The following NAALADL2 variants were observed in gnomAD, a reference collection of about 807,000 sequenced individuals.
NAALADL2 encodes inactive N-acetylated-alpha-linked acidic dipeptidase-like protein 2.
NAALADL2 carries 76 observed loss-of-function variants against 87.2 expected under a neutral mutation model. That is an observed-to-expected ratio of 0.87 (90% CI 0.72 to 1.05). The LOEUF (loss-of-function observed/expected upper bound fraction) is 1.05, where lower values mean the gene tolerates loss of function less well. Ranked by LOEUF, NAALADL2 falls within the 50% of genes least tolerant of loss-of-function variation. NAALADL2 has a pLI of 0.00. For synonymous variants in NAALADL2, 354 were observed against 331.0 expected, an observed-to-expected ratio of 1.07 and a Z score of -0.75; for missense variants, 1,089 against 945.8, an observed-to-expected ratio of 1.15 and a Z score of -1.99.
chr3:174,644,131 A>G (rs189232263), intron 2 of NAALADL2, among the ~76,000 whole-genome samples: 1 of 152,220 alleles, frequency 6.6e-6, no homozygotes, highest in Non-Finnish European at 1.5e-5. Flanking sequence ...TTATTCACTA[A>G]AAATCATTGA....
chr3:175,655,843 A>G (rs1330124307), intron 11 of NAALADL2, among the ~76,000 whole-genome samples: 1 of 152,182 alleles, frequency 6.6e-6, no homozygotes, highest in Non-Finnish European at 1.5e-5. Flanking sequence ...TACAGATGTT[A>G]GAATTTACAC....
At chr3:175,065,461 A>G (rs1185658650) in intron 1 of NAALADL2, among the ~76,000 whole-genome samples, 2 of 152,214 alleles carry the variant, frequency 1.3e-5, no homozygotes, top group Admixed American at 1.3e-4. Flanking sequence ...TTAGATAGCT[A>G]TGACCAGATT....
At chr3:175,444,044 G>T (rs1720272468) in intron 5 of NAALADL2, among the ~76,000 whole-genome samples, 1 of 152,126 alleles carries the variant, frequency 6.6e-6, no homozygotes, top group Admixed American at 6.6e-5. Context: ...GAGTATGTAA[G>T]GGTATAGCTT....
At chr3:174,949,542 G>A (rs142539921) in intron 1 of NAALADL2, among the ~76,000 whole-genome samples, 2 of 152,192 alleles carry the variant, frequency 1.3e-5, no homozygotes, top group African/African-American at 4.8e-5. Context: ...GCTATTATTG[G>A]CTTTTAATAT....
At chr3:175,668,440 CA>C (rs1197386662) in intron 11 of NAALADL2, among the ~76,000 whole-genome samples, 1 of 151,748 alleles carries the variant, frequency 6.6e-6, no homozygotes, top group Non-Finnish European at 1.5e-5. Context: ...TTCATTTTTT[CA>C]AGCATGAAAA....
rs1353307414 is a variant in NAALADL2 at position 174,762,374 on chromosome 3, C to T, written c.-9+24628C>T. 2.0e-5 allele frequency among the ~76,000 whole-genome samples: 3 copies of T among 148,646 alleles called. No homozygotes were observed. In the East Asian group the frequency reaches 6.0e-4, roughly 30 times the overall value. On this transcript the variant is annotated intron_variant, in intron 3 of 3. Transcript: ENST00000434257. ...TTCACCGTGTTAGCCAGGATGGTCT[C>T]GATCTCCTGACCTCGTGGTCCTCCC... is the stretch of plus-strand genomic sequence containing the variant.
chr3:175,724,697 T>C lies in NAALADL2; in HGVS notation c.1897-12609T>C, dbSNP rs1166655882. 3.3e-5 allele frequency among the ~76,000 whole-genome samples: 5 copies of C among 152,114 alleles called. No homozygotes were observed. In the East Asian group the frequency reaches 7.7e-4, roughly 23 times the overall value. ...AAGAACAATCTATTTATTTTTTCCA[T>C]TCCCATATCTCTACCTCTCTCTAGT... On this transcript the variant is annotated intron_variant, in intron 11 of 13. Transcript: ENST00000454872.
At chr3:175,149,051 T>G (rs1198273359) in intron 2 of NAALADL2, among the ~76,000 whole-genome samples, 1 of 152,200 alleles carries the variant, frequency 6.6e-6, no homozygotes, top group Non-Finnish European at 1.5e-5. Context: ...GTATGAGCAT[T>G]TTAATGATAT....
At chr3:174,543,630 A>G (rs1346023592) in intron 1 of NAALADL2, among the ~76,000 whole-genome samples, 2 of 152,184 alleles carry the variant, frequency 1.3e-5, no homozygotes, top group East Asian at 1.9e-4. Context: ...TAAAAGGACA[A>G]AATTTTAGGG....
chr3:175,105,753 T>C (rs1723033380), intron 2 of NAALADL2, among the ~76,000 whole-genome samples: 1 of 98,446 alleles, frequency 1.0e-5, no homozygotes, highest in African/African-American at 4.9e-5. Context: ...ATTTTGAAGA[T>C]AGAAGATTTT....
chr3:174,965,078 G>A (rs1191429240), intron 1 of NAALADL2, among the ~76,000 whole-genome samples: 1 of 152,050 alleles, frequency 6.6e-6, no homozygotes, highest in Non-Finnish European at 1.5e-5. Context: ...TTCTAGCTCA[G>A]GGTTTCTCAT....
chr3:174,706,806 T>G (rs924554820), intron 2 of NAALADL2, among the ~76,000 whole-genome samples: 2 of 152,192 alleles, frequency 1.3e-5, no homozygotes. Flanking sequence ...CTTGAATTAA[T>G]TTTTGTATAA....
chr3:175,684,276 TGTCA>T (rs1008135874), intron 11 of NAALADL2, among the ~76,000 whole-genome samples: 28 of 152,102 alleles, frequency 1.8e-4, no homozygotes, highest in Admixed American at 3.9e-4. Flanking sequence ...AATGGAGCAA[TGTCA>T]GTATCAAGTT....
chr3:174,811,246 T>C (rs1411314400), intron 3 of NAALADL2, among the ~76,000 whole-genome samples: 1 of 152,118 alleles, frequency 6.6e-6, no homozygotes, highest in Non-Finnish European at 1.5e-5. Flanking sequence ...AGGCACTCTG[T>C]CCTCCAGACC....
intron 11 of NAALADL2, among the ~76,000 whole-genome samples, chr3:175,671,634 A>G (rs952514530): frequency 1.3e-5 from 2 of 152,058 alleles, no homozygotes; most frequent in African/African-American, 4.8e-5. Flanking sequence ...AGAAGACTCT[A>G]AAAGATTGAC....
rs369274183 is a variant in NAALADL2 at position 174,646,961 on chromosome 3, T to C, written c.-114-90680T>C. Among the ~76,000 whole-genome samples the C allele has an allele frequency of 3.9e-5, 6 of 152,198 alleles. No homozygotes were observed. In the South Asian group the frequency reaches 8.3e-4, roughly 21 times the overall value. ...CATTTCAGTATTCACCAGTTTTTAATGGTACATCTAACTCACTGTTAACAT... is the reference window on the plus strand; with the variant it reads ...CATTTCAGTATTCACCAGTTTTTAACGGTACATCTAACTCACTGTTAACAT... On this transcript the variant is annotated intron_variant, in intron 2 of 3. Transcript: ENST00000434257.
At chr3:175,364,663 C>G (rs1765369241) in intron 5 of NAALADL2, among the ~76,000 whole-genome samples, 1 of 147,652 alleles carries the variant, frequency 6.8e-6, no homozygotes, top group East Asian at 2.0e-4. Context: ...TCCTTCTTGC[C>G]TAAATTAATG....
intron 5 of NAALADL2, among the ~76,000 whole-genome samples, chr3:175,333,389 C>G (rs926313961): frequency 6.6e-6 from 1 of 152,104 alleles, no homozygotes; most frequent in African/African-American, 2.4e-5. Flanking sequence ...GGAGCATGTG[C>G]TTCAGCCCCA....
intron 2 of NAALADL2, among the ~76,000 whole-genome samples, chr3:175,224,544 C>A (rs111700077): frequency 5.3e-5 from 8 of 152,258 alleles, no homozygotes; most frequent in African/African-American, 1.9e-4. Context: ...TACTCTCCAT[C>A]CTCCTCTTCC....
Sources: gnomAD v4.1 joint callset for allele counts (sites outside exome capture counted in the v4.1 genomes callset) on GRCh38, gnomAD v4.1.1 for gene constraint, MANE v1.5 for transcripts, NCBI Gene and HGNC (gene_info 2026-07-23, HGNC 2026-07-21) for gene names.